Variants in SORCS1 observed in about 807,000 individuals in gnomAD.
The protein encoded by SORCS1 is sortilin related VPS10 domain containing receptor 1.
A neutral mutation model predicts 146.1 loss-of-function variants in SORCS1; 60 were observed. The ratio of observed to expected loss-of-function variants is 0.41; its 90% CI spans 0.33 to 0.51. The LOEUF (loss-of-function observed/expected upper bound fraction) is 0.51, where lower values mean the gene tolerates loss of function less well. SORCS1 is among the 20% of genes least tolerant of loss of function. The pLI is 0.21. For synonymous variants in SORCS1, 637 were observed against 584.0 expected (o/e 1.09, Z -1.31); for missense variants, 1,352 against 1,487.6 (o/e 0.91, Z 1.50).
intron 1 of SORCS1, among the ~76,000 whole-genome samples, chr10:106,966,162 A>C (rs537168192): frequency 1.3e-5 from 2 of 152,296 alleles, no homozygotes; most frequent in East Asian, 1.9e-4. Context: ...GTGAATGCAT[A>C]ATTACACTCT....
rs1851713151 is a variant in SORCS1, at chr10:106,672,868, C to G, written c.2058G>C (p.Gln686His). The change falls in exon 15 of 26, where the codon CAG becomes CAC. Residue 686 changes from glutamine (Q) to histidine (H), a missense_variant and splice_region_variant. Gln to His is a conservative substitution (Grantham distance 24). Around this residue, in one of 3 missense-constraint regions of SORCS1, gnomAD observed 648 missense variants for 793.8 expected, o/e 0.82. Coordinates refer to ENST00000263054, the MANE Select transcript of SORCS1 (RefSeq NM_052918.5). ...EDYRPWQLHS[Q>H]GEACIMGAKR... ...TTAGTCTCAGTTCTTTTCCTCCTAC[C>G]TGGCTGTGCAGCTGCCAAGGTCTGT... 1 of 1,613,244 alleles carries G rather than the reference C, an allele frequency of 6.2e-7. No homozygotes were observed. The highest frequency in any genetic ancestry group is 1.7e-5 in the Admixed American group (1 of 60,022).
intron 1 of SORCS1, among the ~76,000 whole-genome samples, chr10:107,057,876 A>G (rs896308689): frequency 6.6e-6 from 1 of 152,144 alleles, no homozygotes; most frequent in African/African-American, 2.4e-5. Flanking sequence ...GGCTACTCAC[A>G]GGCATGGTCA....
At chr10:107,179,220 T>C in the SORCS1 span, among the ~76,000 whole-genome samples, 1 of 152,226 alleles carries the variant, frequency 6.6e-6, no homozygotes, top group South Asian at 2.1e-4. Context: ...ATTAGTGATG[T>C]TGAGCATTTT....
chr10:106,960,408 T>C lies in SORCS1; in HGVS notation c.559-3828A>G, dbSNP rs1955166528. Among the ~76,000 whole-genome samples, 1 of 148,114 alleles carries C rather than the reference T, an allele frequency of 6.8e-6. No homozygotes were observed. The highest frequency in any genetic ancestry group is 2.1e-4 in the South Asian group (1 of 4,786). On this transcript the variant is annotated intron_variant, in intron 1 of 25. Coordinates refer to ENST00000263054, the MANE Select transcript of SORCS1 (RefSeq NM_052918.5). This position sits in a 1 kb window ranked among gnomAD's most constrained non-coding sequence, Gnocchi z 4.4. ...GGTCCATACGTTTTCTCTTTTTCTT[T>C]TTCTTTTTTTTTTTTGAGATGGAAT...
chr10:107,105,580 A>G (rs1342413046), intron 1 of SORCS1, among the ~76,000 whole-genome samples: 1 of 152,150 alleles, frequency 6.6e-6, no homozygotes, highest in Non-Finnish European at 1.5e-5. Flanking sequence ...AAGCTGAAGA[A>G]CTTTGAGTCT....
chr10:106,952,049 G>A (rs1206181572), intron 2 of SORCS1, among the ~76,000 whole-genome samples: 1 of 152,176 alleles, frequency 6.6e-6, no homozygotes, highest in Non-Finnish European at 1.5e-5. Context: ...CAGACAATGA[G>A]ATGCCAGGCC....
intron 18 of SORCS1, among the ~76,000 whole-genome samples, chr10:106,644,592 C>T (rs1849286525): frequency 6.6e-6 from 1 of 152,136 alleles, no homozygotes; most frequent in African/African-American, 2.4e-5. Context: ...GTCTCAAACT[C>T]CTGACCTTGT....
intron 24 of SORCS1, among the ~76,000 whole-genome samples, chr10:106,581,173 C>T (rs779506932): frequency 2.4e-4 from 37 of 152,284 alleles, no homozygotes; most frequent in Non-Finnish European, 2.5e-4. Context: ...TAGACATTAT[C>T]ACAATTGATT....
intron 1 of SORCS1, among the ~76,000 whole-genome samples, chr10:106,972,365 A>G (rs1369238903): frequency 2.8e-5 from 4 of 144,710 alleles, no homozygotes; most frequent in African/African-American, 1.0e-4. Context: ...TGGGTGACAG[A>G]GCGAGACTCT....
intron 21 of SORCS1, among the ~76,000 whole-genome samples, chr10:106,617,770 A>C (rs906012475): frequency 6.6e-6 from 1 of 150,550 alleles, no homozygotes; most frequent in African/African-American, 2.5e-5. Context: ...TTCCCTTATT[A>C]GTCAAGAATT....
chr10:106,930,632 T>G lies in SORCS1; in HGVS notation c.626+25881A>C, dbSNP rs963924761. 2.0e-5 allele frequency among the ~76,000 whole-genome samples: 3 copies of G among 152,230 alleles called. No homozygotes were observed. In the East Asian group the frequency reaches 5.8e-4, roughly 29 times the overall value. Reference sequence around the variant, plus strand: ...ACCAACACAGGAGGGCTTTATAACATCGCATGCTTGAATCAGGTGCATTCT... The same window carrying G: ...ACCAACACAGGAGGGCTTTATAACAGCGCATGCTTGAATCAGGTGCATTCT... On this transcript the variant is annotated intron_variant, in intron 2 of 25. Transcript: ENST00000263054.
chr10:106,793,070 T>A (rs1157622714), intron 3 of SORCS1, among the ~76,000 whole-genome samples: 2 of 152,162 alleles, frequency 1.3e-5, no homozygotes, highest in Non-Finnish European at 2.9e-5. Flanking sequence ...AAAAAGACAC[T>A]AAATGCCTTA....
At chr10:106,952,319 G>C (rs1307136443) in intron 2 of SORCS1, among the ~76,000 whole-genome samples, 1 of 152,024 alleles carries the variant, frequency 6.6e-6, no homozygotes, top group African/African-American at 2.4e-5. Flanking sequence ...GCTGGTGCAG[G>C]AGAAAGTCAG....
At chr10:106,932,877 G>T (rs1953489490) in intron 2 of SORCS1, among the ~76,000 whole-genome samples, 1 of 152,156 alleles carries the variant, frequency 6.6e-6, no homozygotes, top group South Asian at 2.1e-4. Flanking sequence ...GTTATAGAAT[G>T]ATTATCAATA....
At chr10:106,833,409 A>C (rs916587110) in intron 2 of SORCS1, among the ~76,000 whole-genome samples, 6 of 152,242 alleles carry the variant, frequency 3.9e-5, no homozygotes, top group Admixed American at 6.5e-5. Context: ...GGAATTAGAT[A>C]GAGTGTTGAC....
chr10:106,696,510 C>A (rs549310760), intron 9 of SORCS1, among the ~76,000 whole-genome samples: 1 of 152,142 alleles, frequency 6.6e-6, no homozygotes, highest in Non-Finnish European at 1.5e-5. Context: ...GCTAATAAAA[C>A]AAAGACTCCT....
intron 3 of SORCS1, among the ~76,000 whole-genome samples, chr10:106,801,990 G>A (rs938823521): frequency 2.6e-5 from 4 of 152,146 alleles, no homozygotes; most frequent in South Asian, 2.1e-4. Context: ...GCTCCATCTC[G>A]AATTTGCAAG....
intron 2 of SORCS1, among the ~76,000 whole-genome samples, chr10:106,888,969 A>C (rs1010275353): frequency 1.2e-4 from 19 of 152,202 alleles, no homozygotes; most frequent in Admixed American, 1.2e-3. Context: ...GACACAAAAA[A>C]CTACTGGGAA....
intron 2 of SORCS1, among the ~76,000 whole-genome samples, chr10:106,856,834 T>TTTC (rs1949805576): frequency 6.6e-6 from 1 of 152,148 alleles, no homozygotes; most frequent in South Asian, 2.1e-4. Flanking sequence ...GCTTGTTGAG[T>TTTC]TTCTGCTCAG....
Sources: gnomAD v4.1 joint callset for allele counts (sites outside exome capture counted in the v4.1 genomes callset) on GRCh38, gnomAD v4.1.1 for gene constraint, gnomAD v4.1.1 regional missense constraint, Gnocchi (gnomAD v3.1) non-coding constraint, MANE v1.5 for transcripts, NCBI Gene and HGNC (gene_info 2026-07-23, HGNC 2026-07-21) for gene names.